Variants in TMEM41A observed in about 807,000 individuals in gnomAD.
TMEM41A encodes the protein transmembrane protein 41A.
A neutral mutation model predicts 25.7 loss-of-function variants in TMEM41A; 20 were observed. The observed-to-expected ratio is 0.78, with a 90% CI of 0.55 to 1.13. The LOEUF (loss-of-function observed/expected upper bound fraction) is 1.13, where lower values mean the gene tolerates loss of function less well. TMEM41A is among the 50% of genes most tolerant of loss of function. The pLI, the probability that TMEM41A is intolerant of heterozygous loss-of-function variation, is 0.00. For missense variants in TMEM41A, 299 were observed against 314.3 expected (o/e 0.95, Z 0.37); for synonymous variants, 133 against 139.6 (o/e 0.95, Z 0.33).
At chr3:185,495,434 A>G in intron 2 of TMEM41A, 119 bp from the exon 3 acceptor site, 1 of 902,558 alleles carries the variant, frequency 1.1e-6, no homozygotes, top group Non-Finnish European at 1.7e-6. Flanking sequence ...GCTAAAACCC[A>G]ATTGCGTTAT....
chr3:185,495,316 C>G lies in TMEM41A; in HGVS notation c.274-1G>C. 1 of 1,613,180 alleles carries G rather than the reference C, an allele frequency of 6.2e-7. No homozygotes were observed. Among genetic ancestry groups the G allele is most frequent in the Non-Finnish European group, 8.5e-7 (1 of 1,179,764 alleles). ...CAAACAAGGCACCAGCTAAAACATTCTGCAAATAAAACAAACCCTCAGGCA... is the reference window on the plus strand; with the variant it reads ...CAAACAAGGCACCAGCTAAAACATTGTGCAAATAAAACAAACCCTCAGGCA... On this transcript the variant is annotated splice_acceptor_variant, in intron 2 of 4. Transcript: ENST00000421852. LOFTEE classifies it high-confidence loss of function.
At chr3:185,493,540 GTTTT>G (rs1461629986) in intron 4 of TMEM41A, 2 of 151,892 alleles carry the variant, frequency 1.3e-5, no homozygotes, top group Admixed American at 6.6e-5. Flanking sequence ...GTTTGTTTTT[GTTTT>G]TTTGCTTTTT....
intron 4 of TMEM41A, chr3:185,492,598 A>C (rs1321670138): frequency 6.6e-6 from 1 of 152,310 alleles, no homozygotes; most frequent in African/African-American, 2.4e-5. Context: ...GCTGCAGAAC[A>C]ATCAGCTGGT....
chr3:185,499,013 C>T lies in TMEM41A; in HGVS notation c.-52G>A, dbSNP rs1426255998. Reference sequence around the variant, plus strand: ...GCAGCCGAGAAGCTCACTTGCACTCCGGGACGCAGCGGCGGGCGGACTGAG... The same window carrying T: ...GCAGCCGAGAAGCTCACTTGCACTCTGGGACGCAGCGGCGGGCGGACTGAG... On this transcript the variant is annotated 5_prime_UTR_variant, in exon 1 of 5. Coordinates refer to ENST00000421852, the MANE Select transcript of TMEM41A (RefSeq NM_080652.4). 1 of 1,485,016 alleles carries T rather than the reference C, an allele frequency of 6.7e-7. No individual in the cohort carries two copies. The highest frequency in any genetic ancestry group is 1.2e-5 in the South Asian group (1 of 82,772). 92.0% of individuals were successfully genotyped at this position (1,485,016 alleles called of 1,614,324 possible).
chr3:185,492,793 G>A (rs1258077084), intron 4 of TMEM41A: 1 of 152,202 alleles, frequency 6.6e-6, no homozygotes, highest in African/African-American at 2.4e-5. Flanking sequence ...TACAGGAGAT[G>A]AAGATCCCAG....
Position 185,495,156 on chromosome 3 carries a change from T to C in TMEM41A, c.433A>G (p.Lys145Glu). 6.2e-7 allele frequency: 1 copy of C among 1,613,454 alleles called. No homozygotes were observed. The highest frequency in any genetic ancestry group is 1.7e-4 in the Middle Eastern group (1 of 6,028). ...FPDKVALLQRKVEENRNSLFF... is the reference protein window; with the variant it reads ...FPDKVALLQREVEENRNSLFF... ...TCAGATGTGACCCCTCCCCTTACCTTTCTCTGCAGCAGGGCCACTTTATCA... is the reference window on the plus strand; with the variant it reads ...TCAGATGTGACCCCTCCCCTTACCTCTCTCTGCAGCAGGGCCACTTTATCA... Residue 145 changes from lysine to glutamate, a missense_variant and splice_region_variant, in exon 3 of 5, where the codon AAG (lysine) becomes GAG (glutamate). By Grantham distance (56) the Lys-to-Glu change is moderately conservative (BLOSUM62 1). Coordinates refer to ENST00000421852, the MANE Select transcript of TMEM41A (RefSeq NM_080652.4).
At chr3:185,495,077 G>T in intron 3 of TMEM41A, 77 bp downstream of exon 3, 1 of 1,532,474 alleles carries the variant, frequency 6.5e-7, no homozygotes, top group Non-Finnish European at 8.9e-7. Context: ...GGAAATCCCT[G>T]CCACTCGCTT....
chr3:185,493,938 G>C (rs1719028881), intron 4 of TMEM41A: 1 of 152,180 alleles, frequency 6.6e-6, no homozygotes, highest in Admixed American at 6.5e-5. Context: ...CTAGGAACTG[G>C]ATTAAAATGC....
At chr3:185,495,994 C>T (rs1719090989) in intron 2 of TMEM41A, 1 of 153,514 alleles carries the variant, frequency 6.5e-6, no homozygotes, top group Non-Finnish European at 1.5e-5. Context: ...GGTAAGACCA[C>T]ACAAGCTATG....
chr3:185,498,865 A>G lies in TMEM41A; in HGVS notation c.97T>C (p.Ser33Pro). The G allele has an allele frequency of 3.7e-6, 6 of 1,604,620 alleles. No homozygotes were observed. Among genetic ancestry groups the G allele is most frequent in the Non-Finnish European group, 5.1e-6 (6 of 1,176,696 alleles). ...TRLPRGRRLG[S>P]TEEAGGRSLW... is the part of the protein sequence containing the mutation. ...CACCTGCCTCCAGCCTCCTCGGTGG[A>G]GCCCAGTCTCCGCCCGCGGGGCAGT... Residue 33 changes from serine (S) to proline (P), a missense_variant, in exon 1 of 5, where the codon TCC (serine) becomes CCC (proline). Ser to Pro is a moderately conservative substitution (Grantham distance 74). Coordinates refer to ENST00000421852, the MANE Select transcript of TMEM41A (RefSeq NM_080652.4).
chr3:185,498,822 A>T, intron 1 of TMEM41A, 21 bp downstream of exon 1: 1 of 1,558,940 alleles, frequency 6.4e-7, no homozygotes, highest in Non-Finnish European at 8.7e-7. Context: ...TCTGACCCGA[A>T]CCCGGATTCC....
chr3:185,491,491 C>T lies in TMEM41A; in HGVS notation c.*46G>A. Reference sequence around the variant, plus strand: ...GCTTTAGAGGACCACATCCATTACACAAATAAGCAACTGAGTCCAGGGATG... The same window carrying T: ...GCTTTAGAGGACCACATCCATTACATAAATAAGCAACTGAGTCCAGGGATG... On this transcript the variant is annotated 3_prime_UTR_variant, in exon 5 of 5. Coordinates refer to ENST00000421852, the MANE Select transcript of TMEM41A (RefSeq NM_080652.4). The T allele has an allele frequency of 6.6e-7, 1 of 1,522,412 alleles. No homozygotes were observed. The highest frequency in any genetic ancestry group is 9.1e-7 in the Non-Finnish European group (1 of 1,102,716). The allele number at this position is 1,522,412 out of a possible 1,614,324, so 94.3% of individuals were successfully genotyped here. A position where few individuals can be genotyped will look rare whatever the true frequency, so the allele number is the denominator to read the frequency against.
chr3:185,492,701 C>A (rs1241645782), intron 4 of TMEM41A: 1 of 152,208 alleles, frequency 6.6e-6, no homozygotes, highest in Non-Finnish European at 1.5e-5. Context: ...ATTTTAAAAG[C>A]CCCTTCTCCA....
rs909988333 is a variant in TMEM41A, at chr3:185,490,966, A to G, written c.*571T>C. 11 of 152,808 alleles carry G rather than the reference A, an allele frequency of 7.2e-5. No homozygotes were observed. Among genetic ancestry groups the G allele is most frequent in the African/African-American group, 2.7e-4 (11 of 41,390 alleles). The allele number at this position is 152,808 out of a possible 1,614,324, so 9.5% of individuals were successfully genotyped here. On this transcript the variant is annotated 3_prime_UTR_variant, in exon 5 of 5. Coordinates refer to ENST00000421852, the MANE Select transcript of TMEM41A (RefSeq NM_080652.4). ...TATCCCGAACTCCTTATTAGACCAC[A>G]AAATACAAACAGCATTTTCTTTTTT...
Position 185,498,668 on chromosome 3 carries a change from C to G in TMEM41A, c.119+175G>C, listed in dbSNP as rs1719183202. Reference sequence around the variant, plus strand: ...CCGGGCTCCCATCCACCCTTCTGTCCGAGACCGTGCGGACGCGGGCCCGGA... The same window carrying G: ...CCGGGCTCCCATCCACCCTTCTGTCGGAGACCGTGCGGACGCGGGCCCGGA... On this transcript the variant is annotated intron_variant, in intron 1 of 4. Transcript: ENST00000421852. 2.7e-5 allele frequency: 16 copies of G among 594,278 alleles called. No homozygotes were observed. The East Asian group carries it at 4.5e-4, about 17-fold the overall frequency. The allele number at this position is 594,278 out of a possible 1,614,324, so 36.8% of individuals were successfully genotyped here.
chr3:185,494,480 T>C (rs1719041405), intron 4 of TMEM41A, 143 bp downstream of exon 4: 2 of 962,296 alleles, frequency 2.1e-6, no homozygotes, highest in East Asian at 2.7e-5. Flanking sequence ...TCAGGAATCA[T>C]TTCTTTAGAT....
intron 2 of TMEM41A, chr3:185,495,981 C>T (rs1392798819): frequency 1.3e-5 from 2 of 153,364 alleles, no homozygotes; most frequent in African/African-American, 4.8e-5. Flanking sequence ...TGAATTTTCC[C>T]TTGGTAAGAC....
chr3:185,495,604 C>G, intron 2 of TMEM41A: 1 of 383,690 alleles, frequency 2.6e-6, no homozygotes, highest in Non-Finnish European at 4.8e-6. Flanking sequence ...CCACATTCAC[C>G]CACTTTTTAA....
In TMEM41A at chr3:185,498,971, G is replaced by T; in HGVS notation, c.-10C>A. ...CGAGAAGCGGGCGCATGTCGGCTCC[G>T]CACCCCGGCCCGCGGGGCAGCCGAG... is the stretch of plus-strand genomic sequence containing the variant. On this transcript the variant is annotated 5_prime_UTR_variant, in exon 1 of 5. Transcript: ENST00000421852. 6.3e-7 allele frequency: 1 copy of T among 1,588,492 alleles called. No homozygotes were observed. The highest frequency in any genetic ancestry group is 8.6e-7 in the Non-Finnish European group (1 of 1,168,394).
Sources: allele counts gnomAD v4.1 joint callset, GRCh38; gene constraint gnomAD v4.1.1; transcripts MANE v1.5; gene names NCBI Gene and HGNC (gene_info 2026-07-23, HGNC 2026-07-21).